Variants in VAV3 observed in about 807,000 individuals in gnomAD.
VAV3 encodes vav guanine nucleotide exchange factor 3, also known as guanine nucleotide exchange factor VAV3.
In VAV3, 94 loss-of-function variants were observed where a neutral mutation model predicts 131.2. That is an observed-to-expected ratio of 0.72 (90% CI 0.61 to 0.85). The LOEUF is 0.85. Among genes scored for constraint, VAV3 ranks in the 40% least tolerant of loss-of-function variants. The pLI, the probability that VAV3 is intolerant of heterozygous loss-of-function variation, is 0.00. For missense variants in VAV3, 939 were observed against 1,002.7 expected, an observed-to-expected ratio of 0.94 and a Z score of 0.86; for synonymous variants, 349 against 342.0, an observed-to-expected ratio of 1.02 and a Z score of -0.22.
intron 22 of VAV3, among the ~76,000 whole-genome samples, chr1:107,608,199 T>C (rs1326014293): frequency 6.6e-6 from 1 of 152,210 alleles, no homozygotes; most frequent in Non-Finnish European, 1.5e-5. Flanking sequence ...TTGGCAAGGG[T>C]GCATTTTAAA....
At chr1:107,728,859 C>A (rs1244784168) in intron 15 of VAV3, among the ~76,000 whole-genome samples, 2 of 152,158 alleles carry the variant, frequency 1.3e-5, no homozygotes, top group African/African-American at 4.8e-5. Context: ...TCATTTTAAT[C>A]TTGATACTCT....
At chr1:107,708,061 G>A (rs1300579553) in intron 15 of VAV3, among the ~76,000 whole-genome samples, 2 of 152,160 alleles carry the variant, frequency 1.3e-5, no homozygotes, top group African/African-American at 4.8e-5. Flanking sequence ...ACTACCATAT[G>A]CACAAGCCCT....
intron 1 of VAV3, among the ~76,000 whole-genome samples, chr1:107,910,595 T>C (rs556411893): frequency 1.3e-5 from 2 of 152,358 alleles, no homozygotes; most frequent in South Asian, 4.1e-4. Flanking sequence ...CAGTATGCTG[T>C]ATTTCATCAC....
chr1:107,631,308 A>G (rs984820927), intron 20 of VAV3, among the ~76,000 whole-genome samples: 4 of 152,006 alleles, frequency 2.6e-5, no homozygotes, highest in African/African-American at 9.7e-5. Context: ...ACTAAAATGC[A>G]GGCATAATAC....
chr1:107,688,446 T>C, intron 17 of VAV3, 40 bp from the exon 18 acceptor site: 1 of 1,612,582 alleles, frequency 6.2e-7, no homozygotes. Flanking sequence ...AGTGTAAAGT[T>C]ATTTTGTTTG....
chr1:107,693,276 C>A (rs1659543904), intron 17 of VAV3, among the ~76,000 whole-genome samples: 1 of 152,182 alleles, frequency 6.6e-6, no homozygotes, highest in Non-Finnish European at 1.5e-5. Context: ...CCTTTATATC[C>A]ATGCACATCC....
At chr1:107,696,513 T>C (rs1659758564) in intron 17 of VAV3, among the ~76,000 whole-genome samples, 1 of 152,204 alleles carries the variant, frequency 6.6e-6, no homozygotes, top group Admixed American at 6.5e-5. Context: ...TAGTCATAGC[T>C]TTCTGGATCA....
chr1:107,848,636 T>G (rs973254749), intron 2 of VAV3, among the ~76,000 whole-genome samples: 3 of 152,148 alleles, frequency 2.0e-5, no homozygotes, highest in Non-Finnish European at 2.9e-5. Flanking sequence ...GGGCAAAACC[T>G]GGAAGCATTC....
intron 1 of VAV3, among the ~76,000 whole-genome samples, chr1:107,888,647 C>T (rs2101053491): frequency 6.6e-6 from 1 of 152,134 alleles, no homozygotes; most frequent in Non-Finnish European, 1.5e-5. Flanking sequence ...TTAGTAGAGA[C>T]AGGGTTTCAG....
At chr1:107,957,820 T>C (rs1485764838) in intron 1 of VAV3, among the ~76,000 whole-genome samples, 1 of 151,674 alleles carries the variant, frequency 6.6e-6, no homozygotes, top group African/African-American at 2.4e-5. Context: ...AGAAAATATG[T>C]GGTGATCTAT....
At chr1:107,831,532 C>A (rs114250070) in intron 2 of VAV3, among the ~76,000 whole-genome samples, 177 of 152,228 alleles carry the variant, frequency 1.2e-3, no homozygotes, top group African/African-American at 4.0e-3. Flanking sequence ...TCATATTTAA[C>A]CTTAATAGTT....
At chr1:107,766,310 T>C in intron 8 of VAV3, 137 bp downstream of exon 8, 1 of 603,802 alleles carries the variant, frequency 1.7e-6, no homozygotes. Flanking sequence ...ACTCTGAAAG[T>C]AATTGTCCCA....
chr1:107,873,877 A>G (rs1212829634), intron 2 of VAV3, among the ~76,000 whole-genome samples: 1 of 152,150 alleles, frequency 6.6e-6, no homozygotes, highest in Non-Finnish European at 1.5e-5. Flanking sequence ...CCCCCACCCC[A>G]GGTAGAGTGG....
At chr1:107,912,197 CA>C (rs1334768763) in intron 1 of VAV3, among the ~76,000 whole-genome samples, 1 of 151,926 alleles carries the variant, frequency 6.6e-6, no homozygotes, top group Admixed American at 6.6e-5. Context: ...CTTTCTGACA[CA>C]AAAAAATAAC....
intron 19 of VAV3, among the ~76,000 whole-genome samples, chr1:107,671,961 T>C (rs957176254): frequency 3.3e-5 from 5 of 152,152 alleles, no homozygotes; most frequent in Non-Finnish European, 5.9e-5. Context: ...GTGGTTGTTA[T>C]GCAATAACAA....
intron 19 of VAV3, among the ~76,000 whole-genome samples, chr1:107,667,852 T>C (rs987988192): frequency 6.6e-5 from 10 of 152,156 alleles, no homozygotes; most frequent in African/African-American, 1.9e-4. Context: ...GATCTAAAAC[T>C]CTATGTGGAA....
At chr1:107,958,698 T>G (rs1210344331) in intron 1 of VAV3, among the ~76,000 whole-genome samples, 7 of 152,226 alleles carry the variant, frequency 4.6e-5, no homozygotes, top group Non-Finnish European at 7.3e-5. Flanking sequence ...TACATAGGTA[T>G]ACATGTGCCA....
intron 2 of VAV3, among the ~76,000 whole-genome samples, chr1:107,859,703 CT>C (rs1669649207): frequency 6.6e-6 from 1 of 152,076 alleles, no homozygotes; most frequent in Non-Finnish European, 1.5e-5. Context: ...TGATAATCAC[CT>C]TTGGTAGATC....
chr1:107,660,498 G>A (rs1656932761), intron 19 of VAV3, among the ~76,000 whole-genome samples: 1 of 152,156 alleles, frequency 6.6e-6, no homozygotes, highest in Admixed American at 6.5e-5. Context: ...ACCAGGCCAA[G>A]GCAGACCACT....
Sources: allele counts gnomAD v4.1 joint callset (sites outside exome capture counted in the v4.1 genomes callset), GRCh38; gene constraint gnomAD v4.1.1; transcripts MANE v1.5; gene names NCBI Gene and HGNC (gene_info 2026-07-23, HGNC 2026-07-21).